Variants in CACNA1I observed in about 807,000 individuals in gnomAD.
The protein encoded by CACNA1I is calcium voltage-gated channel subunit alpha1 I, also known as voltage-dependent T-type calcium channel subunit alpha-1I.
A neutral mutation model predicts 201.6 loss-of-function variants in CACNA1I; 74 were observed. That is an observed-to-expected ratio of 0.37 (90% CI 0.30 to 0.45). The LOEUF is 0.45. Ranked by LOEUF, CACNA1I falls within the 20% of genes least tolerant of loss-of-function variation. The pLI, the probability that CACNA1I is intolerant of heterozygous loss-of-function variation, is 1.00. For synonymous variants in CACNA1I, 1,431 were observed against 1,345.2 expected (o/e 1.06, Z -1.40); for missense variants, 2,346 against 3,138.1 (o/e 0.75, Z 6.03).
At position 39,670,827 on chromosome 22, in the gene CACNA1I, C is replaced by T; in HGVS notation, c.4412C>T (p.Ala1471Val). 1.2e-6 allele frequency: 2 copies of T among 1,613,918 alleles called. No individual in the cohort carries two copies. Among genetic ancestry groups the T allele is most frequent in the Non-Finnish European group, 1.7e-6 (2 of 1,179,858 alleles). ...GAGGCCCAGCGGCTGCCCTACTATGCCACCTATTGTCACACCCGGCTGCTC... is the reference window on the plus strand; with the variant it reads ...GAGGCCCAGCGGCTGCCCTACTATGTCACCTATTGTCACACCCGGCTGCTC... ...RRKAQRLPYY[A>V]TYCHTRLLIH... Residue 1471 changes from alanine (A) to valine (V), a missense_variant, in exon 26 of 37, where the codon GCC (alanine) becomes GTC (valine). Ala to Val is a moderately conservative substitution (Grantham distance 64). Around this residue, in one of 13 missense-constraint regions of CACNA1I, gnomAD observed 228 missense variants for 395.7 expected, o/e 0.58. Coordinates refer to ENST00000402142, the MANE Select transcript of CACNA1I (RefSeq NM_021096.4).
At chr22:39,574,957 C>T (rs547011470) in intron 1 of CACNA1I, among the ~76,000 whole-genome samples, 1 of 152,370 alleles carries the variant, frequency 6.6e-6, no homozygotes, top group Admixed American at 6.5e-5. Flanking sequence ...GCTCCTCTTC[C>T]AGCCCGGAGC....
chr22:39,601,347 G>A (rs1933022850), intron 3 of CACNA1I, among the ~76,000 whole-genome samples: 1 of 152,242 alleles, frequency 6.6e-6, no homozygotes, highest in Middle Eastern at 3.2e-3. Context: ...GCCAGTGGGC[G>A]TGCCTTCACA....
chr22:39,687,283 G>T lies in CACNA1I; in HGVS notation c.*878G>T. 1 of 152,554 alleles carries T rather than the reference G, an allele frequency of 6.6e-6. No homozygotes were observed. Among genetic ancestry groups the T allele is most frequent in the Non-Finnish European group, 1.5e-5 (1 of 68,314 alleles). 9.5% of individuals were successfully genotyped at this position (152,554 alleles called of 1,614,324 possible). On this transcript the variant is annotated 3_prime_UTR_variant, in exon 37 of 37. Coordinates refer to ENST00000402142, the MANE Select transcript of CACNA1I (RefSeq NM_021096.4). Reference sequence around the variant, plus strand: ...GGTGGGTGGAGCAGGAGTGGAGGCAGCCTGCAGAGGAAGGGTGCGGGAGAC... The same window carrying T: ...GGTGGGTGGAGCAGGAGTGGAGGCATCCTGCAGAGGAAGGGTGCGGGAGAC...
chr22:39,596,145 TG>T (rs1164805164), intron 1 of CACNA1I, among the ~76,000 whole-genome samples: 6 of 61,624 alleles, frequency 9.7e-5, no homozygotes, highest in East Asian at 9.6e-4. Context: ...CGGAGAGAGA[TG>T]GGGGAGCAGG....
rs764882234 is a variant in CACNA1I, at chr22:39,588,377, CTTTCTTTCT to C, written c.237-9770_237-9762del. On this transcript the variant is annotated intron_variant, in intron 1 of 36. Transcript: ENST00000402142. ...GCAGTTCAAGGCGTTTTCTTTCTTT[CTTTCTTTCT>C]TTTTTTTTTTTTTTTTTGAGGCAGA... Among the ~76,000 whole-genome samples the C allele has an allele frequency of 5.2e-4, 71 of 135,528 alleles. 1 individual carries two copies. In the East Asian group the frequency reaches 7.0e-3, roughly 13 times the overall value. The allele number at this position is 135,528 out of a possible 152,430, so 88.9% of individuals were successfully genotyped here. A position where few individuals can be genotyped will look rare whatever the true frequency, so the allele number is the denominator to read the frequency against.
chr22:39,591,244 C>T (rs1457561996), intron 1 of CACNA1I, among the ~76,000 whole-genome samples: 1 of 151,140 alleles, frequency 6.6e-6, no homozygotes, highest in African/African-American at 2.4e-5. Flanking sequence ...ACTGCAACCT[C>T]CTCACCTCCC....
chr22:39,651,064 T>C (rs1000744445), intron 10 of CACNA1I, among the ~76,000 whole-genome samples: 2 of 152,164 alleles, frequency 1.3e-5, no homozygotes, highest in East Asian at 3.9e-4. Context: ...CACCAGCCCC[T>C]GGATGGGGTG....
At chr22:39,670,655 C>G in intron 25 of CACNA1I, 148 bp from the exon 26 acceptor site, 1 of 758,126 alleles carries the variant, frequency 1.3e-6, no homozygotes. Context: ...TGGAGGAGAT[C>G]TAACACTGAT....
chr22:39,601,581 G>C (rs1569056320), intron 3 of CACNA1I, among the ~76,000 whole-genome samples: 1 of 151,968 alleles, frequency 6.6e-6, no homozygotes, highest in Non-Finnish European at 1.5e-5. Flanking sequence ...TGTGAGAGAG[G>C]GTGTGTGAGT....
intron 1 of CACNA1I, among the ~76,000 whole-genome samples, chr22:39,576,262 G>A (rs1285881236): frequency 6.6e-6 from 1 of 152,274 alleles, no homozygotes; most frequent in African/African-American, 2.4e-5. Context: ...TGTGCAGGAT[G>A]AGAGCTGATG....
rs779513005 is a variant in CACNA1I at position 39,679,835 on chromosome 22, C to T, written c.5508C>T (p.Ala1836=). 12 of 1,612,690 alleles carry T rather than the reference C, an allele frequency of 7.4e-6. No individual in the cohort carries two copies. Among genetic ancestry groups the T allele is most frequent in the Admixed American group, 3.3e-5 (2 of 59,900 alleles). ...GSIFHHYSSP[A]GCKKCHHDKQ... ...TCTTCCACCACTACTCCTCGCCTGCCGGCTGCAAGAAGTGTCACCACGACA... is the reference window on the plus strand; with the variant it reads ...TCTTCCACCACTACTCCTCGCCTGCTGGCTGCAAGAAGTGTCACCACGACA... The change falls in exon 33 of 37, where the codon GCC becomes GCT. Residue 1836 remains alanine (A), a synonymous_variant. Coordinates refer to ENST00000402142, the MANE Select transcript of CACNA1I (RefSeq NM_021096.4).
intron 1 of CACNA1I, 56 bp downstream of exon 1, chr22:39,571,044 C>T (rs954335472): frequency 7.0e-7 from 1 of 1,425,358 alleles, no homozygotes; most frequent in Non-Finnish European, 9.9e-7. Flanking sequence ...GGGTGGGGGG[C>T]TGGATTGAGT....
chr22:39,683,291 G>A (rs1329280975), intron 35 of CACNA1I, among the ~76,000 whole-genome samples: 3 of 152,286 alleles, frequency 2.0e-5, no homozygotes, highest in Non-Finnish European at 4.4e-5. Flanking sequence ...TGTGGAGGGA[G>A]GCAGAGAGAT....
chr22:39,655,223 C>A (rs1180594254), intron 10 of CACNA1I, among the ~76,000 whole-genome samples: 3 of 151,348 alleles, frequency 2.0e-5, no homozygotes, highest in Non-Finnish European at 4.4e-5. Flanking sequence ...ACGCTAGCTG[C>A]CATTATTATG....
chr22:39,684,472 A>G lies in CACNA1I; in HGVS notation c.6001A>G (p.Arg2001Gly). 6.2e-7 allele frequency: 1 copy of G among 1,613,288 alleles called. No homozygotes were observed. The highest frequency in any genetic ancestry group is 8.5e-7 in the Non-Finnish European group (1 of 1,179,850). Residue 2001 changes from arginine to glycine, a missense_variant, in exon 36 of 37, where the codon AGG becomes GGG. Physicochemically the swap from Arg to Gly is moderately radical, Grantham distance 125. Around this residue, in one of 13 missense-constraint regions of CACNA1I, gnomAD observed 441 missense variants for 555.6 expected, o/e 0.79. Transcript: ENST00000402142. The surrounding 1 kb of genome is among the most constrained non-coding windows in gnomAD (Gnocchi z 4.6). ...QGSWASLRSP[R>G]VNCTLLRQAT... ...CTCCTGGGCATCTCTGCGGTCACCA[A>G]GGGTCAACTGTACCCTCCTCCGGCA... is the stretch of plus-strand genomic sequence containing the variant.
chr22:39,679,925 G>T, intron 33 of CACNA1I, 57 bp downstream of exon 33: 3 of 1,548,080 alleles, frequency 1.9e-6, no homozygotes, highest in East Asian at 2.3e-5. Context: ...GAAACCTGGT[G>T]GGGGGCCTGT....
chr22:39,634,465 TC>T, intron 4 of CACNA1I, 99 bp from the exon 5 acceptor site: 2 of 1,137,932 alleles, frequency 1.8e-6, no homozygotes, highest in East Asian at 2.3e-5. Flanking sequence ...TGATAATGCA[TC>T]CCCCTCCCCC....
In CACNA1I at chr22:39,665,384, A is replaced by T; in HGVS notation, c.3852-114A>T. The T allele has an allele frequency of 1.6e-6, 2 of 1,269,300 alleles. No homozygotes were observed. The highest frequency in any genetic ancestry group is 2.2e-6 in the Non-Finnish European group (2 of 917,586). 78.6% of individuals were successfully genotyped at this position (1,269,300 alleles called of 1,614,324 possible). Reference sequence around the variant, plus strand: ...TGCCCCAGGGTGTTCAGCCCTGGTGAGCCCTGGGGACTCATGCCCTGGGAT... The same window carrying T: ...TGCCCCAGGGTGTTCAGCCCTGGTGTGCCCTGGGGACTCATGCCCTGGGAT... On this transcript the variant is annotated intron_variant, in intron 21 of 36. Transcript: ENST00000402142. This position sits in a 1 kb window ranked among gnomAD's most constrained non-coding sequence, Gnocchi z 5.5.
intron 4 of CACNA1I, among the ~76,000 whole-genome samples, chr22:39,631,172 G>A (rs1489290702): frequency 6.6e-6 from 1 of 152,184 alleles, no homozygotes; most frequent in Non-Finnish European, 1.5e-5. Flanking sequence ...TGTCCCCTCT[G>A]TAGATGAGGC....
Sources: gnomAD v4.1 joint callset for allele counts (sites outside exome capture counted in the v4.1 genomes callset) on GRCh38, gnomAD v4.1.1 for gene constraint, gnomAD v4.1.1 regional missense constraint, Gnocchi (gnomAD v3.1) non-coding constraint, MANE v1.5 for transcripts, NCBI Gene and HGNC (gene_info 2026-07-23, HGNC 2026-07-21) for gene names.